ARHGAP5: variants seen among roughly 807,000 people sequenced by gnomAD.
ARHGAP5 encodes the protein Rho GTPase activating protein 5, also known as rho GTPase-activating protein 5.
In ARHGAP5, 23 loss-of-function variants were observed where a neutral mutation model predicts 116.6. The ratio of observed to expected loss-of-function variants is 0.20; its 90% CI spans 0.14 to 0.28. ARHGAP5 has a LOEUF of 0.28. Among genes scored for constraint, ARHGAP5 ranks in the 10% least tolerant of loss-of-function variants. The pLI, the probability that ARHGAP5 is intolerant of heterozygous loss-of-function variation, is 1.00. For missense variants in ARHGAP5, 1,405 were observed against 1,774.8 expected, an observed-to-expected ratio of 0.79 and a Z score of 3.74; for synonymous variants, 574 against 602.0, an observed-to-expected ratio of 0.95 and a Z score of 0.68.
intron 3 of ARHGAP5, among the ~76,000 whole-genome samples, chr14:32,121,646 A>G (rs1178832387): frequency 6.6e-6 from 1 of 152,172 alleles, no homozygotes; most frequent in Non-Finnish European, 1.5e-5. Context: ...CACCCATTTA[A>G]AGTGTACAGT....
chr14:32,096,982 C>T (rs1019311356), intron 2 of ARHGAP5, among the ~76,000 whole-genome samples: 5 of 152,174 alleles, frequency 3.3e-5, no homozygotes, highest in African/African-American at 1.2e-4. Flanking sequence ...GCAGCACAAC[C>T]TGATTTGGCC....
intron 2 of ARHGAP5, among the ~76,000 whole-genome samples, chr14:32,100,288 C>A (rs968862473): frequency 1.4e-4 from 21 of 152,176 alleles, no homozygotes; most frequent in Admixed American, 2.6e-4. Context: ...CAGTCTCAGA[C>A]CCCTGGGTTC....
chr14:32,154,799 A>G lies in ARHGAP5; in HGVS notation c.4360A>G (p.Ile1454Val). ...QCQFFFYNGE[I>V]VETTNIVAPP... Reference sequence around the variant, plus strand: ...TCAGTTTTTCTTTTACAATGGAGAAATTGTAGAAACGACAAACATTGTGGC... The same window carrying G: ...TCAGTTTTTCTTTTACAATGGAGAAGTTGTAGAAACGACAAACATTGTGGC... Residue 1454 changes from isoleucine to valine, a missense_variant, in exon 7 of 7, where the codon ATT becomes GTT. This residue lies in a region of ARHGAP5 where 85 missense variants were observed against 96.6 expected (regional missense o/e 0.88). Coordinates refer to ENST00000345122, the MANE Select transcript of ARHGAP5 (RefSeq NM_001030055.2). 1 of 1,614,194 alleles carries G rather than the reference A, an allele frequency of 6.2e-7. No homozygotes were observed. Among genetic ancestry groups the G allele is most frequent in the East Asian group, 2.2e-5 (1 of 44,876 alleles).
At chr14:32,128,813 C>G (rs916346879) in intron 3 of ARHGAP5, among the ~76,000 whole-genome samples, 1 of 152,146 alleles carries the variant, frequency 6.6e-6, no homozygotes, top group Non-Finnish European at 1.5e-5. Context: ...ATAAAAGATA[C>G]TGGTCTGTTG....
At chr14:32,144,425 G>A (rs561394744) in intron 3 of ARHGAP5, among the ~76,000 whole-genome samples, 3 of 151,736 alleles carry the variant, frequency 2.0e-5, no homozygotes, top group Non-Finnish European at 4.4e-5. Flanking sequence ...CACTTGGTGA[G>A]TTGTTTCTGT....
At chr14:32,149,791 G>T in intron 4 of ARHGAP5, 111 bp from the exon 5 acceptor site, 3 of 575,040 alleles carry the variant, frequency 5.2e-6, no homozygotes, top group Non-Finnish European at 7.8e-6. Flanking sequence ...AAAAGAAAAA[G>T]AAAAGTGGCC....
At chr14:32,137,974 A>AAAC (rs1880899215) in intron 3 of ARHGAP5, among the ~76,000 whole-genome samples, 1 of 150,932 alleles carries the variant, frequency 6.6e-6, no homozygotes, top group African/African-American at 2.4e-5. Context: ...TTCGTCTCAA[A>AAAC]AAAAAAAAAA....
At position 32,092,384 on chromosome 14, in the gene ARHGAP5, T is replaced by C. The variant is rs767959991; in HGVS notation, c.1715T>C (p.Leu572Pro). The C allele has an allele frequency of 5.0e-6, 8 of 1,613,472 alleles. No individual in the cohort carries two copies. The highest frequency in any genetic ancestry group is 6.8e-6 in the Non-Finnish European group (8 of 1,179,728). ...ACAGACATTAAAGTGGAGCAGTTAC[T>C]TGCTAGTAGTCTTTTACAGTTGGAT... ...NCTDIKVEQL[L>P]ASSLLQLDHG... Residue 572 changes from leucine to proline, a missense_variant, in exon 2 of 7, where the codon CTT becomes CCT. Leu to Pro is a moderately conservative substitution (Grantham distance 98). Transcript: ENST00000345122. This position sits in a 1 kb window ranked among gnomAD's most constrained non-coding sequence, Gnocchi z 4.1.
At chr14:32,128,532 A>T (rs945053980) in intron 3 of ARHGAP5, among the ~76,000 whole-genome samples, 1 of 152,180 alleles carries the variant, frequency 6.6e-6, no homozygotes, top group South Asian at 2.1e-4. Context: ...CGTGTCGGCT[A>T]TCGGTGCTGA....
chr14:32,111,839 A>ATTTTTTT (rs34512246), intron 2 of ARHGAP5, among the ~76,000 whole-genome samples: 9 of 93,174 alleles, frequency 9.7e-5, no homozygotes, highest in African/African-American at 2.1e-4. Flanking sequence ...TTCTTCTTTG[A>ATTTTTTT]TTTTTTTTTT....
intron 6 of ARHGAP5, chr14:32,154,328 T>C: frequency 7.4e-6 from 2 of 269,536 alleles, no homozygotes; most frequent in Non-Finnish European, 1.4e-5. Context: ...TTTGTATTTT[T>C]AGTAGAGATG....
At chr14:32,138,477 T>A (rs1594387484) in intron 3 of ARHGAP5, among the ~76,000 whole-genome samples, 1 of 151,986 alleles carries the variant, frequency 6.6e-6, no homozygotes, top group South Asian at 2.1e-4. Context: ...AGCGATGGGG[T>A]TTCACCATGT....
intron 5 of ARHGAP5, 106 bp downstream of exon 5, chr14:32,150,139 ATTAAC>A (rs1037625212): frequency 1.9e-5 from 18 of 939,416 alleles, no homozygotes; most frequent in Middle Eastern, 2.6e-4. Flanking sequence ...GCTAATAAAA[ATTAAC>A]TTAACTAGAA....
At chr14:32,152,675 A>T (rs1346733491) in intron 6 of ARHGAP5, 147 bp downstream of exon 6, 4 of 484,150 alleles carry the variant, frequency 8.3e-6, no homozygotes, top group African/African-American at 2.0e-5. Flanking sequence ...ATTTATATCT[A>T]AAAAGATATA....
intron 5 of ARHGAP5, among the ~76,000 whole-genome samples, chr14:32,151,899 A>G (rs1167251835): frequency 1.3e-5 from 2 of 152,226 alleles, no homozygotes; most frequent in East Asian, 1.9e-4. Context: ...TGACATTAAT[A>G]GAAATAGATA....
intron 3 of ARHGAP5, among the ~76,000 whole-genome samples, chr14:32,123,585 T>G (rs369729422): frequency 6.6e-6 from 1 of 151,188 alleles, no homozygotes. Context: ...TTTTTCTGCT[T>G]CTTGTTTTGA....
At chr14:32,114,377 A>G (rs1027201816) in intron 2 of ARHGAP5, among the ~76,000 whole-genome samples, 2 of 152,232 alleles carry the variant, frequency 1.3e-5, no homozygotes, top group East Asian at 3.8e-4. Context: ...TGTTCCTGAG[A>G]AAGAAAAGAA....
At chr14:32,142,916 G>A (rs1375054219) in intron 3 of ARHGAP5, among the ~76,000 whole-genome samples, 1 of 152,044 alleles carries the variant, frequency 6.6e-6, no homozygotes, top group East Asian at 1.9e-4. Flanking sequence ...ACCACTTTTG[G>A]TGACATCACT....
chr14:32,127,426 A>G (rs1233146140), intron 3 of ARHGAP5, among the ~76,000 whole-genome samples: 2 of 152,078 alleles, frequency 1.3e-5, no homozygotes, highest in African/African-American at 4.8e-5. Context: ...CACATCTTGC[A>G]CCGCCCTTAA....
Sources: allele counts gnomAD v4.1 joint callset (sites outside exome capture counted in the v4.1 genomes callset), GRCh38; gene constraint gnomAD v4.1.1; regional missense constraint gnomAD v4.1.1; non-coding constraint Gnocchi (gnomAD v3.1); transcripts MANE v1.5; gene names NCBI Gene and HGNC (gene_info 2026-07-23, HGNC 2026-07-21).